The following ZFAT variants were observed in gnomAD, a reference collection of about 807,000 sequenced individuals.
The protein encoded by ZFAT is zinc finger and AT-hook domain containing, also known as zinc finger protein ZFAT.
In ZFAT, 64 loss-of-function variants were observed where a neutral mutation model predicts 117.7. The ratio of observed to expected loss-of-function variants is 0.54; its 90% CI spans 0.44 to 0.67. The LOEUF (loss-of-function observed/expected upper bound fraction) is 0.67, where lower values mean the gene tolerates loss of function less well. Among genes scored for constraint, ZFAT ranks in the 30% least tolerant of loss-of-function variants. ZFAT has a pLI of 0.00. For missense variants in ZFAT, 1,433 were observed against 1,584.5 expected (o/e 0.90, Z 1.62); for synonymous variants, 679 against 615.0 (o/e 1.10, Z -1.54).
upstream of ZFAT, among the ~76,000 whole-genome samples, chr8:134,716,262 T>C (rs992253563): frequency 6.6e-6 from 1 of 151,972 alleles, no homozygotes; most frequent in South Asian, 2.1e-4. Context: ...AATAATCAGT[T>C]TGGGTTAACA....
intron 10 of ZFAT, among the ~76,000 whole-genome samples, chr8:134,566,193 G>A (rs1032930409): frequency 4.6e-5 from 7 of 152,102 alleles, no homozygotes; most frequent in African/African-American, 1.7e-4. Context: ...AGGAGATCGA[G>A]ACCATCCAGG....
At chr8:134,719,727 G>A in the ZFAT span, among the ~76,000 whole-genome samples, 1 of 152,192 alleles carries the variant, frequency 6.6e-6, no homozygotes, top group Non-Finnish European at 1.5e-5. Context: ...CAGAACCATC[G>A]CTTCCAGCTG....
chr8:134,517,601 A>AAT (rs1305488224), intron 13 of ZFAT, among the ~76,000 whole-genome samples: 2 of 152,198 alleles, frequency 1.3e-5, no homozygotes, highest in African/African-American at 4.8e-5. Context: ...CTAATTAAAC[A>AAT]ATAGGCTTTC....
At chr8:134,485,345 T>C (rs552399617) in intron 15 of ZFAT, among the ~76,000 whole-genome samples, 1 of 152,336 alleles carries the variant, frequency 6.6e-6, no homozygotes, top group South Asian at 2.1e-4. Flanking sequence ...CTTCTTGATT[T>C]TCCCATTGGC....
At chr8:134,608,964 G>A (rs1055524511) in intron 4 of ZFAT, 85 bp from the exon 5 acceptor site, 3 of 1,478,190 alleles carry the variant, frequency 2.0e-6, no homozygotes, top group African/African-American at 2.9e-5. Context: ...ATGGTGCTGG[G>A]AAGTCTATTT....
At chr8:134,759,821 A>G in the ZFAT span, among the ~76,000 whole-genome samples, 1 of 152,026 alleles carries the variant, frequency 6.6e-6, no homozygotes, top group Non-Finnish European at 1.5e-5. Flanking sequence ...AAATACAAAA[A>G]TTAGCTGGAT....
chr8:134,663,520 C>A (rs996850149), intron 1 of ZFAT, among the ~76,000 whole-genome samples: 1 of 152,042 alleles, frequency 6.6e-6, no homozygotes, highest in African/African-American at 2.4e-5. Context: ...GGGTGGATCA[C>A]GAGGTCAGGA....
the ZFAT span, among the ~76,000 whole-genome samples, chr8:134,732,743 A>G: frequency 2.0e-5 from 3 of 152,236 alleles, no homozygotes; most frequent in Non-Finnish European, 4.4e-5. Flanking sequence ...TTCCAGCAAC[A>G]TCACATTCCG....
At chr8:134,820,959 A>C in the ZFAT span, among the ~76,000 whole-genome samples, 1 of 152,198 alleles carries the variant, frequency 6.6e-6, no homozygotes, top group Non-Finnish European at 1.5e-5. Context: ...CACTAAATGC[A>C]TATTAAGTGA....
intron 1 of ZFAT, among the ~76,000 whole-genome samples, chr8:134,666,771 T>C (rs1832244624): frequency 6.6e-6 from 1 of 152,208 alleles, no homozygotes; most frequent in East Asian, 1.9e-4. Flanking sequence ...TGTGGGACTG[T>C]AACAAAAGAT....
intron 15 of ZFAT, among the ~76,000 whole-genome samples, chr8:134,486,207 G>A (rs1248562073): frequency 2.0e-5 from 3 of 152,186 alleles, no homozygotes; most frequent in East Asian, 1.9e-4. Flanking sequence ...TGCCGCCAAC[G>A]CAGCTGCCTT....
chr8:134,534,663 CAAG>C (rs1004764961), intron 11 of ZFAT, among the ~76,000 whole-genome samples: 13 of 122,018 alleles, frequency 1.1e-4, no homozygotes, highest in Admixed American at 6.6e-4. Context: ...GAAAGGGAGA[CAAG>C]AAGAGAGAGG....
At chr8:134,511,409 C>T (rs1819833288) in intron 14 of ZFAT, among the ~76,000 whole-genome samples, 1 of 152,180 alleles carries the variant, frequency 6.6e-6, no homozygotes, top group Admixed American at 6.5e-5. Context: ...CTCGACTCTC[C>T]CGTCTGCAGA....
intron 2 of ZFAT, among the ~76,000 whole-genome samples, chr8:134,640,320 G>A (rs908866051): frequency 6.6e-6 from 1 of 152,222 alleles, no homozygotes; most frequent in Admixed American, 6.5e-5. Flanking sequence ...GCTGGTATCA[G>A]GAGTCTTGGG....
the ZFAT span, among the ~76,000 whole-genome samples, chr8:134,775,684 T>C: frequency 1.3e-5 from 2 of 152,232 alleles, no homozygotes; most frequent in African/African-American, 4.8e-5. Flanking sequence ...CAGATCTCAG[T>C]TGGTAATTTC....
At chr8:134,794,232 T>G in the ZFAT span, 2 of 152,236 alleles carry the variant, frequency 1.3e-5, no homozygotes, top group South Asian at 4.1e-4. Context: ...TAATATTTAA[T>G]ATAAGATATT....
Position 134,602,380 on chromosome 8 carries a change from G to A in ZFAT, c.1339C>T (p.Leu447=), listed in dbSNP as rs769635071. 6.2e-7 allele frequency: 1 copy of A among 1,613,834 alleles called. No homozygotes were observed. Among genetic ancestry groups the A allele is most frequent in the Admixed American group, 1.7e-5 (1 of 60,038 alleles). Residue 447 remains leucine, a synonymous_variant, in exon 6 of 16, where the codon CTG becomes TTG. Transcript: ENST00000377838. ...CGHGATKYQA[L]ELHVRKHPFV... is the part of the protein sequence containing the mutation. ...GGGTGCTTCCTGACATGCAGTTCCA[G>A]CGCCTGGTACTTGGTGGCCCCATGG... is the stretch of plus-strand genomic sequence containing the variant.
intron 13 of ZFAT, among the ~76,000 whole-genome samples, chr8:134,517,944 C>A (rs1820368988): frequency 6.6e-6 from 1 of 152,122 alleles, no homozygotes; most frequent in South Asian, 2.1e-4. Flanking sequence ...ACTGATGATG[C>A]CAACCTCTAC....
chr8:134,819,682 T>C, the ZFAT span, among the ~76,000 whole-genome samples: 10,574 of 152,202 alleles, frequency 0.069, 484 homozygotes, highest in African/African-American at 0.13. Flanking sequence ...GTTCTACTTC[T>C]AGTCTCACTC....
Sources: gnomAD v4.1 joint callset for allele counts (sites outside exome capture counted in the v4.1 genomes callset) on GRCh38, gnomAD v4.1.1 for gene constraint, MANE v1.5 for transcripts, NCBI Gene and HGNC (gene_info 2026-07-23, HGNC 2026-07-21) for gene names.